The following MDGA2 variants were observed in gnomAD, a reference collection of about 807,000 sequenced individuals.
The protein encoded by MDGA2 is MAM domain containing glycosylphosphatidylinositol anchor 2, also known as MAM domain-containing glycosylphosphatidylinositol anchor protein 2.
Under a neutral mutation model 117.8 loss-of-function variants are expected in MDGA2, and 40 were observed. The ratio of observed to expected loss-of-function variants is 0.34; its 90% CI spans 0.26 to 0.44. The LOEUF is 0.44. Among genes scored for constraint, MDGA2 ranks in the 20% least tolerant of loss-of-function variants. The pLI is 1.00. For synonymous variants in MDGA2, 452 were observed against 439.0 expected (o/e 1.03, Z -0.37); for missense variants, 1,123 against 1,250.6 (o/e 0.90, Z 1.54).
At chr14:47,217,713 TTATA>T (rs1886146617) in intron 3 of MDGA2, among the ~76,000 whole-genome samples, 1 of 152,068 alleles carries the variant, frequency 6.6e-6, no homozygotes, top group Non-Finnish European at 1.5e-5. Flanking sequence ...ATGTATATCT[TTATA>T]TATAAAGATA....
At chr14:47,094,599 T>A (rs928942803) in intron 6 of MDGA2, among the ~76,000 whole-genome samples, 34 of 152,082 alleles carry the variant, frequency 2.2e-4, no homozygotes, top group African/African-American at 8.2e-4. Flanking sequence ...CTGTTCTTGA[T>A]AAACTAATGG....
At chr14:47,107,001 A>G (rs1323437992) in intron 5 of MDGA2, among the ~76,000 whole-genome samples, 1 of 115,686 alleles carries the variant, frequency 8.6e-6, no homozygotes, top group Non-Finnish European at 1.8e-5. Context: ...GACTACAGCT[A>G]TATCTCATTG....
intron 8 of MDGA2, among the ~76,000 whole-genome samples, chr14:47,009,467 C>T (rs534531968): frequency 6.6e-6 from 1 of 152,118 alleles, no homozygotes; most frequent in East Asian, 1.9e-4. Context: ...CTGGCCTAGC[C>T]CTCTGGTTCC....
chr14:47,625,028 A>G (rs541637102), intron 1 of MDGA2, among the ~76,000 whole-genome samples: 12 of 152,304 alleles, frequency 7.9e-5, no homozygotes, highest in Middle Eastern at 3.4e-3. Context: ...TTAAAGTTTT[A>G]TGTTGTAGAA....
At chr14:47,297,776 T>C (rs1889127585) in intron 2 of MDGA2, among the ~76,000 whole-genome samples, 1 of 152,108 alleles carries the variant, frequency 6.6e-6, no homozygotes. Context: ...ACACAACAAA[T>C]ACTGAAATTG....
chr14:47,135,978 G>C (rs1882433224), intron 4 of MDGA2, among the ~76,000 whole-genome samples: 1 of 152,054 alleles, frequency 6.6e-6, no homozygotes, highest in African/African-American at 2.4e-5. Flanking sequence ...GAGGGGCTAT[G>C]ATCGCAGATT....
intron 1 of MDGA2, among the ~76,000 whole-genome samples, chr14:47,643,300 T>C (rs1897464317): frequency 6.6e-6 from 1 of 152,078 alleles, no homozygotes; most frequent in Non-Finnish European, 1.5e-5. Context: ...TGAAAACATA[T>C]TTAATGAGCA....
chr14:47,079,994 G>C (rs987953053), intron 6 of MDGA2, among the ~76,000 whole-genome samples: 2 of 152,092 alleles, frequency 1.3e-5, no homozygotes, highest in African/African-American at 4.8e-5. Flanking sequence ...GCCTCCCAAA[G>C]TGCTGGGATT....
chr14:47,281,027 T>C (rs1164918961), intron 2 of MDGA2, among the ~76,000 whole-genome samples: 2 of 147,732 alleles, frequency 1.4e-5, no homozygotes, highest in Non-Finnish European at 3.0e-5. Flanking sequence ...TAATAAAATA[T>C]ATAATTAATA....
chr14:46,975,726 A>C (rs1335502136), intron 8 of MDGA2, among the ~76,000 whole-genome samples: 1 of 152,120 alleles, frequency 6.6e-6, no homozygotes, highest in African/African-American at 2.4e-5. Context: ...ACTATTAAAA[A>C]ATACCATAAA....
chr14:47,535,467 T>G (rs928074424), intron 1 of MDGA2, among the ~76,000 whole-genome samples: 1 of 152,216 alleles, frequency 6.6e-6, no homozygotes, highest in Non-Finnish European at 1.5e-5. Context: ...TGTGAAAGAC[T>G]TTGAGAGGTA....
At chr14:46,999,545 A>AG (rs1352254668) in intron 8 of MDGA2, among the ~76,000 whole-genome samples, 1 of 152,100 alleles carries the variant, frequency 6.6e-6, no homozygotes, top group Admixed American at 6.6e-5. Flanking sequence ...CCTCTTTGCA[A>AG]TTTATTGATA....
chr14:47,621,998 G>C (rs542969846), intron 1 of MDGA2, among the ~76,000 whole-genome samples: 20 of 152,350 alleles, frequency 1.3e-4, no homozygotes, highest in African/African-American at 4.8e-4. Context: ...TGGGCATGGT[G>C]ATAAGCACTG....
At chr14:47,593,541 T>C (rs1326093159) in intron 1 of MDGA2, among the ~76,000 whole-genome samples, 2 of 152,160 alleles carry the variant, frequency 1.3e-5, no homozygotes, top group Admixed American at 6.6e-5. Context: ...TGGAATACTA[T>C]GCAGCCAGAA....
chr14:47,035,662 C>T (rs1888820503), intron 7 of MDGA2, among the ~76,000 whole-genome samples: 1 of 151,942 alleles, frequency 6.6e-6, no homozygotes, highest in South Asian at 2.1e-4. Context: ...TCAGTAGTCA[C>T]AATAAGTGCA....
At chr14:47,393,450 T>C (rs1473917835) in intron 1 of MDGA2, among the ~76,000 whole-genome samples, 2 of 152,006 alleles carry the variant, frequency 1.3e-5, no homozygotes, top group African/African-American at 4.8e-5. Flanking sequence ...CATGAATATA[T>C]TTGCCATGTT....
chr14:47,457,124 G>A (rs1288395179), intron 1 of MDGA2, among the ~76,000 whole-genome samples: 1 of 152,164 alleles, frequency 6.6e-6, no homozygotes, highest in African/African-American at 2.4e-5. Context: ...TTAGATAATT[G>A]TACTGATGGT....
chr14:46,852,730 T>C (rs538911220), intron 15 of MDGA2, among the ~76,000 whole-genome samples: 2 of 151,884 alleles, frequency 1.3e-5, no homozygotes, highest in South Asian at 4.2e-4. Flanking sequence ...CGACTCAGAG[T>C]AGTCTTGCCT....
At chr14:47,093,389 G>A (rs1056384023) in intron 6 of MDGA2, among the ~76,000 whole-genome samples, 1 of 152,060 alleles carries the variant, frequency 6.6e-6, no homozygotes, top group Non-Finnish European at 1.5e-5. Flanking sequence ...CATGAGAGAA[G>A]AGAGATGTAG....
Sources: gnomAD v4.1 joint callset for allele counts (sites outside exome capture counted in the v4.1 genomes callset) on GRCh38, gnomAD v4.1.1 for gene constraint, MANE v1.5 for transcripts, NCBI Gene and HGNC (gene_info 2026-07-23, HGNC 2026-07-21) for gene names.